NOS1AP: variants seen among roughly 807,000 people sequenced by gnomAD.
The protein encoded by NOS1AP is nitric oxide synthase 1 adaptor protein, also known as carboxyl-terminal PDZ ligand of neuronal nitric oxide synthase protein.
In NOS1AP, 21 loss-of-function variants were observed where a neutral mutation model predicts 56.2. The ratio of observed to expected loss-of-function variants is 0.37; its 90% CI spans 0.26 to 0.54. The LOEUF is 0.54. Among genes scored for constraint, NOS1AP ranks in the 20% least tolerant of loss-of-function variants. The pLI is 0.84. For missense variants in NOS1AP, 522 were observed against 657.8 expected, an observed-to-expected ratio of 0.79 and a Z score of 2.26; for synonymous variants, 270 against 274.6, an observed-to-expected ratio of 0.98 and a Z score of 0.17.
intron 1 of NOS1AP, among the ~76,000 whole-genome samples, chr1:162,123,734 C>A (rs1648351800): frequency 6.6e-6 from 1 of 152,054 alleles, no homozygotes; most frequent in African/African-American, 2.4e-5. Context: ...ACCCTTCACC[C>A]CGCTTTCCCC....
intron 2 of NOS1AP, among the ~76,000 whole-genome samples, chr1:162,204,034 C>T (rs935734114): frequency 6.6e-6 from 1 of 152,198 alleles, no homozygotes; most frequent in Admixed American, 6.5e-5. Context: ...CACCCATCCT[C>T]CACAGTATGG....
intron 5 of NOS1AP, among the ~76,000 whole-genome samples, chr1:162,339,871 C>G (rs1657053897): frequency 6.6e-6 from 1 of 152,242 alleles, no homozygotes; most frequent in Admixed American, 6.5e-5. Flanking sequence ...GCTGCCTCTA[C>G]TGACCACCTT....
rs1227281064 is a variant in NOS1AP at position 162,156,089 on chromosome 1, C to G, written c.177+1613C>G. On this transcript the variant is annotated intron_variant, in intron 2 of 9. Coordinates refer to ENST00000361897, the MANE Select transcript of NOS1AP (RefSeq NM_014697.3). ...CTGTTTCTCTGAGCAGTTCATCAGCCTAATAAAATCTTTTCATTGCCTTGA... is the reference window on the plus strand; with the variant it reads ...CTGTTTCTCTGAGCAGTTCATCAGCGTAATAAAATCTTTTCATTGCCTTGA... 2.0e-5 allele frequency among the ~76,000 whole-genome samples: 3 copies of G among 152,162 alleles called. No individual in the cohort carries two copies. The East Asian group carries it at 5.8e-4, about 29-fold the overall frequency.
chr1:162,164,097 A>T (rs956227279), intron 2 of NOS1AP, among the ~76,000 whole-genome samples: 2 of 152,214 alleles, frequency 1.3e-5, no homozygotes, highest in Admixed American at 1.3e-4. Context: ...AGAGTAAGAA[A>T]TGATGTTATT....
intron 3 of NOS1AP, among the ~76,000 whole-genome samples, chr1:162,297,382 G>A (rs772748135): frequency 3.9e-5 from 6 of 152,348 alleles, no homozygotes; most frequent in Non-Finnish European, 4.4e-5. Flanking sequence ...TTATGCCACC[G>A]CAGCCACTTC....
chr1:162,098,487 A>G (rs188856216), intron 1 of NOS1AP, among the ~76,000 whole-genome samples: 3 of 130,736 alleles, frequency 2.3e-5, no homozygotes, highest in African/African-American at 8.4e-5. Flanking sequence ...GGTACAATTA[A>G]CGGTGTCGTT....
intron 1 of NOS1AP, among the ~76,000 whole-genome samples, chr1:162,087,300 A>G (rs944252094): frequency 3.9e-5 from 6 of 152,130 alleles, no homozygotes; most frequent in African/African-American, 4.8e-5. Flanking sequence ...TGAAGCATAC[A>G]CTTGAGGCTG....
chr1:162,095,122 G>T (rs1225093785), intron 1 of NOS1AP, among the ~76,000 whole-genome samples: 3 of 152,154 alleles, frequency 2.0e-5, no homozygotes, highest in Non-Finnish European at 4.4e-5. Flanking sequence ...ATTTCTTAGT[G>T]AGGATTGATC....
intron 1 of NOS1AP, among the ~76,000 whole-genome samples, chr1:162,143,135 T>C (rs1044667132): frequency 6.6e-6 from 1 of 151,766 alleles, no homozygotes; most frequent in African/African-American, 2.4e-5. Context: ...AGCAGTGTCA[T>C]AGTTAGCCAT....
rs1270858911 is a variant in NOS1AP, at chr1:162,166,097, T to G, written c.177+11621T>G. Among the ~76,000 whole-genome samples, 5 of 152,306 alleles carry G rather than the reference T, an allele frequency of 3.3e-5. No homozygotes were observed. In the East Asian group the frequency reaches 9.7e-4, roughly 29 times the overall value. Reference sequence around the variant, plus strand: ...CCCTTACAGATGTGCCTCTTAAATATTTTTCAATCGTGTCTCTCCCTATTC... The same window carrying G: ...CCCTTACAGATGTGCCTCTTAAATAGTTTTCAATCGTGTCTCTCCCTATTC... On this transcript the variant is annotated intron_variant, in intron 2 of 9. Coordinates refer to ENST00000361897, the MANE Select transcript of NOS1AP (RefSeq NM_014697.3).
At chr1:162,335,503 A>C (rs1484354015) in intron 5 of NOS1AP, among the ~76,000 whole-genome samples, 1 of 152,218 alleles carries the variant, frequency 6.6e-6, no homozygotes, top group Non-Finnish European at 1.5e-5. Flanking sequence ...TCTAATGTCA[A>C]GAGGTAATAG....
At chr1:162,225,764 C>A (rs1002299471) in intron 2 of NOS1AP, among the ~76,000 whole-genome samples, 3 of 152,100 alleles carry the variant, frequency 2.0e-5, no homozygotes, top group African/African-American at 4.8e-5. Context: ...CTTGTGAAGT[C>A]CTCCCATGTT....
At chr1:162,277,185 A>G (rs1654767411) in intron 2 of NOS1AP, among the ~76,000 whole-genome samples, 1 of 152,160 alleles carries the variant, frequency 6.6e-6, no homozygotes, top group Non-Finnish European at 1.5e-5. Flanking sequence ...TTTGAGAAGC[A>G]CCAGTTTAGA....
chr1:162,230,922 G>C (rs1571146080), intron 2 of NOS1AP, among the ~76,000 whole-genome samples: 1 of 152,044 alleles, frequency 6.6e-6, no homozygotes, highest in South Asian at 2.1e-4. Flanking sequence ...TTTACCTTTT[G>C]GCTATTGTGA....
At chr1:162,091,885 G>T (rs978897762) in intron 1 of NOS1AP, among the ~76,000 whole-genome samples, 1 of 152,198 alleles carries the variant, frequency 6.6e-6, no homozygotes, top group African/African-American at 2.4e-5. Context: ...ATTGGGATGT[G>T]ACTTCACTGG....
chr1:162,320,203 C>T (rs1390507554), intron 4 of NOS1AP, among the ~76,000 whole-genome samples: 2 of 152,126 alleles, frequency 1.3e-5, no homozygotes, highest in Non-Finnish European at 2.9e-5. Flanking sequence ...TGCTGGACCA[C>T]CCCGACACCT....
chr1:162,108,216 C>T (rs559093593), intron 1 of NOS1AP, among the ~76,000 whole-genome samples: 14 of 152,242 alleles, frequency 9.2e-5, no homozygotes, highest in African/African-American at 3.4e-4. Flanking sequence ...CAAGATGTGC[C>T]TGGTTCATCT....
intron 2 of NOS1AP, among the ~76,000 whole-genome samples, chr1:162,231,291 G>T (rs1273905210): frequency 1.3e-5 from 2 of 152,166 alleles, no homozygotes; most frequent in African/African-American, 4.8e-5. Context: ...CTTCTTTGAA[G>T]AAATGTCTAC....
intron 2 of NOS1AP, among the ~76,000 whole-genome samples, chr1:162,226,388 A>G (rs1309319006): frequency 1.3e-5 from 2 of 152,236 alleles, no homozygotes; most frequent in Non-Finnish European, 2.9e-5. Context: ...ATTGTGGGGC[A>G]GCTCTAAATA....
Sources: allele counts gnomAD v4.1 joint callset (sites outside exome capture counted in the v4.1 genomes callset), GRCh38; gene constraint gnomAD v4.1.1; transcripts MANE v1.5; gene names NCBI Gene and HGNC (gene_info 2026-07-23, HGNC 2026-07-21).